Variants in GK observed in about 807,000 individuals in gnomAD.
GK encodes the protein ATP:glycerol 3-phosphotransferase.
In GK, 9 loss-of-function variants were observed where a neutral mutation model predicts 56.4. That is an observed-to-expected ratio of 0.16 (90% confidence interval 0.10 to 0.28). GK has a LOEUF of 0.28. GK is among the 10% of genes least tolerant of loss of function. The pLI, the probability that GK is intolerant of heterozygous loss-of-function variation, is 1.00. For missense variants in GK, 161 were observed against 431.4 expected (o/e 0.37, Z 5.55); for synonymous variants, 104 against 144.1 (o/e 0.72, Z 1.99).
intron 3 of GK, among the ~76,000 whole-genome samples, chrX:30,673,733 A>C (rs769431032): frequency 8.9e-6 from 1 of 111,898 alleles, no homozygotes; most frequent in Non-Finnish European, 1.9e-5. Flanking sequence ...AAATAGCTCT[A>C]AATTAGATTC....
chrX:30,727,684 T>C (rs1937197627), intron 20 of GK, 132 bp downstream of exon 20: 3 of 478,657 alleles, frequency 6.3e-6, no homozygotes, highest in Non-Finnish European at 1.1e-5. Context: ...AAAGGTCTAA[T>C]TAGTTAGACC....
At chrX:30,685,865 A>G (rs907022538) in intron 4 of GK, among the ~76,000 whole-genome samples, 3 of 111,914 alleles carry the variant, frequency 2.7e-5, no homozygotes, top group Non-Finnish European at 3.8e-5. Flanking sequence ...GACCTCATAG[A>G]CTTGAGGTGT....
At chrX:30,672,306 G>A (rs2087654901) in intron 3 of GK, 1 of 110,328 alleles carries the variant, frequency 9.1e-6, no homozygotes, top group African/African-American at 3.3e-5. Context: ...CCCTGTTAGA[G>A]AAAAGGGAAA....
intron 13 of GK, among the ~76,000 whole-genome samples, chrX:30,711,957 C>T (rs998092732): frequency 6.3e-5 from 7 of 111,219 alleles, no homozygotes; most frequent in Non-Finnish European, 1.1e-4. Flanking sequence ...AATGTGCAGC[C>T]CTGAACACCA....
intron 11 of GK, among the ~76,000 whole-genome samples, chrX:30,704,331 T>A (rs756158425): frequency 9.4e-6 from 1 of 106,536 alleles, no homozygotes; most frequent in African/African-American, 3.5e-5. Flanking sequence ...AGGGTCTTAC[T>A]ATATTGCCCA....
intron 3 of GK, among the ~76,000 whole-genome samples, chrX:30,675,477 G>A (rs1413679879): frequency 9.3e-6 from 1 of 107,090 alleles, no homozygotes. Context: ...GATTACAGAC[G>A]TGAGCCACCG....
In GK at chrX:30,707,597, AG is replaced by A; in HGVS notation, c.894+1del. 1 of 1,072,889 alleles carries A rather than the reference AG, an allele frequency of 9.3e-7. No individual in the cohort carries two copies. The highest frequency in any genetic ancestry group is 1.3e-6 in the Non-Finnish European group (1 of 771,547). The allele number at this position is 1,072,889 out of a possible 1,213,427, so 88.4% of individuals were successfully genotyped here. ...GCFLLCNTGH[K>X]CVFSDHGLLT... ...TTCTTACTATGTAATACAGGCCATA[AG>A]GTTGGTTTTTTAAATTAAAAAATTG... On this transcript the variant is annotated frameshift_variant and splice_region_variant, in exon 12 of 21. Coordinates refer to ENST00000427190, the MANE Select transcript of GK (RefSeq NM_001205019.2). LOFTEE classifies it high-confidence loss of function.
At chrX:30,667,919 C>A (rs987834211) in intron 2 of GK, 93 bp from the exon 3 acceptor site, 2 of 547,665 alleles carry the variant, frequency 3.7e-6, no homozygotes, top group African/African-American at 4.6e-5. Flanking sequence ...TTAATGTATG[C>A]ACCAGCCACA....
intron 11 of GK, among the ~76,000 whole-genome samples, chrX:30,702,990 T>C (rs948024101): frequency 8.9e-6 from 1 of 111,887 alleles, no homozygotes; most frequent in Admixed American, 9.5e-5. Flanking sequence ...TCTGGAAACA[T>C]TCTTGGAATC....
At chrX:30,668,542 A>C (rs1933242342) in intron 3 of GK, among the ~76,000 whole-genome samples, 1 of 111,592 alleles carries the variant, frequency 9.0e-6, no homozygotes, top group African/African-American at 3.3e-5. Flanking sequence ...AAGGCCCTGA[A>C]GTGGGAATAA....
intron 4 of GK, among the ~76,000 whole-genome samples, chrX:30,682,894 C>T (rs1033827937): frequency 9.0e-6 from 1 of 111,451 alleles, no homozygotes; most frequent in African/African-American, 3.3e-5. Context: ...TTCTCATCCT[C>T]ATATGGCAGA....
intron 4 of GK, among the ~76,000 whole-genome samples, chrX:30,689,238 A>G (rs1334206582): frequency 8.9e-6 from 1 of 111,870 alleles, no homozygotes; most frequent in Non-Finnish European, 1.9e-5. Context: ...CTGTGAGCCA[A>G]TAACACCTGC....
Position 30,704,128 on chromosome X carries a change from T to TTATATATATATATATATATATATA in GK, c.851+3244_851+3245insATATATATATATATATATATATAT, listed in dbSNP as rs752736589. On this transcript the variant is annotated intron_variant, in intron 11 of 20. Transcript: ENST00000427190. ...CAGAAAAACAATGCAGTTATTCATT[T>TTATATATATATATATATATATATA]TATATATATATATATATATATGAGA... Among the ~76,000 whole-genome samples the TTATATATATATATATATATATATA allele has an allele frequency of 3.6e-3, 272 of 74,876 alleles. 6 individuals are homozygous for TTATATATATATATATATATATATA. The highest frequency in any genetic ancestry group is 6.4e-3 in the South Asian group (9 of 1,403). The allele number at this position is 74,876 out of a possible 115,157, so 65.0% of individuals were successfully genotyped here. A position where few individuals can be genotyped will look rare whatever the true frequency, so the allele number is the denominator to read the frequency against.
intron 4 of GK, among the ~76,000 whole-genome samples, chrX:30,678,280 T>C (rs1286853732): frequency 2.7e-5 from 3 of 112,255 alleles, no homozygotes; most frequent in African/African-American, 9.7e-5. Flanking sequence ...CACTTTTAGG[T>C]ATCACAACTT....
At chrX:30,676,166 G>T (rs955891173) in intron 3 of GK, among the ~76,000 whole-genome samples, 3 of 111,947 alleles carry the variant, frequency 2.7e-5, no homozygotes, top group African/African-American at 9.7e-5. Context: ...TGAACCCCTG[G>T]GCTCAAGCCA....
At chrX:30,680,874 A>G (rs1181721712) in intron 4 of GK, among the ~76,000 whole-genome samples, 1 of 111,739 alleles carries the variant, frequency 8.9e-6, no homozygotes, top group East Asian at 2.8e-4. Context: ...AAATCCTGGA[A>G]GTGAGGTAAA....
At chrX:30,661,799 A>G (rs1330445034) in intron 1 of GK, among the ~76,000 whole-genome samples, 1 of 112,303 alleles carries the variant, frequency 8.9e-6, no homozygotes, top group Non-Finnish European at 1.9e-5. Context: ...CAAAAAACCA[A>G]ATGACCAGGC....
intron 11 of GK, among the ~76,000 whole-genome samples, chrX:30,702,501 A>ATG (rs1470345929): frequency 2.7e-5 from 3 of 112,901 alleles, no homozygotes; most frequent in African/African-American, 9.6e-5. Flanking sequence ...CTTTAAACAC[A>ATG]TGATATCATT....
intron 8 of GK, 87 bp from the exon 9 acceptor site, chrX:30,697,645 G>GAA: frequency 6.0e-6 from 4 of 669,554 alleles, no homozygotes; most frequent in Non-Finnish European, 9.7e-6. Context: ...AGGATGGTTA[G>GAA]AAAAAAAAAC....
Sources: allele counts gnomAD v4.1 joint callset (sites outside exome capture counted in the v4.1 genomes callset), GRCh38; gene constraint gnomAD v4.1.1; transcripts MANE v1.5; gene names NCBI Gene and HGNC (gene_info 2026-07-23, HGNC 2026-07-21).